SMPX: variants seen among roughly 807,000 people sequenced by gnomAD.
SMPX encodes the protein small muscle protein X-linked, also known as small muscular protein.
Under a neutral mutation model 6.3 loss-of-function variants are expected in SMPX, and 2 were observed. That is an observed-to-expected ratio of 0.32 (90% CI 0.13 to 0.99). The LOEUF (loss-of-function observed/expected upper bound fraction) is 0.99. SMPX is among the 50% of genes least tolerant of loss of function. SMPX has a pLI of 0.49. For synonymous variants in SMPX, 32 were observed against 24.7 expected, an observed-to-expected ratio of 1.30 and a Z score of -0.88; for missense variants, 60 against 66.8, an observed-to-expected ratio of 0.90 and a Z score of 0.36.
At chrX:21,724,575 A>G (rs1225114544) in intron 4 of SMPX, among the ~76,000 whole-genome samples, 1 of 112,311 alleles carries the variant, frequency 8.9e-6, no homozygotes, top group Non-Finnish European at 1.9e-5. Flanking sequence ...CAGAGCCATT[A>G]TCTGTTCAAT....
chrX:21,757,173 T>A (rs1374050367), intron 1 of SMPX, among the ~76,000 whole-genome samples: 2 of 111,966 alleles, frequency 1.8e-5, no homozygotes, highest in East Asian at 5.6e-4. Context: ...GTCGAATAAG[T>A]GGGTAAAGCT....
intron 4 of SMPX, chrX:21,727,707 C>T (rs1361512503): frequency 8.9e-6 from 1 of 111,943 alleles, no homozygotes; most frequent in Admixed American, 9.5e-5. Context: ...GACCCTGCCT[C>T]GGATTAAACC....
chrX:21,735,244 C>G (rs902823226), intron 4 of SMPX, among the ~76,000 whole-genome samples: 2 of 111,979 alleles, frequency 1.8e-5, no homozygotes, highest in South Asian at 7.5e-4. Flanking sequence ...AAAATATCTG[C>G]AGGAGAAAAA....
intron 4 of SMPX, among the ~76,000 whole-genome samples, chrX:21,733,918 G>C (rs1310612746): frequency 9.0e-6 from 1 of 111,190 alleles, no homozygotes. Context: ...GGTGATCTCT[G>C]AGCCTCTGTT....
intron 4 of SMPX, among the ~76,000 whole-genome samples, chrX:21,736,559 A>G (rs1433230596): frequency 8.9e-6 from 1 of 112,268 alleles, no homozygotes; most frequent in Non-Finnish European, 1.9e-5. Flanking sequence ...TTCGCACAGT[A>G]TCTTGCTCAT....
chrX:21,736,446 T>C (rs759935107), intron 4 of SMPX, among the ~76,000 whole-genome samples: 37 of 112,181 alleles, frequency 3.3e-4, no homozygotes, highest in Admixed American at 1.4e-3. Context: ...ATTTTTAGAA[T>C]ACATGATAGA....
At chrX:21,744,688 T>C (rs1602110072) in intron 2 of SMPX, among the ~76,000 whole-genome samples, 1 of 112,322 alleles carries the variant, frequency 8.9e-6, no homozygotes. Flanking sequence ...AAAACAACCA[T>C]CAAATACTAT....
At chrX:21,708,842 A>G (rs1017912967) in intron 4 of SMPX, among the ~76,000 whole-genome samples, 1 of 112,410 alleles carries the variant, frequency 8.9e-6, no homozygotes, top group African/African-American at 3.2e-5. Flanking sequence ...TTGTACAACT[A>G]CCACTTCACT....
rs745878288 is a variant in SMPX, at chrX:21,731,502, T to C, written c.*14+6047A>G. On this transcript the variant is annotated intron_variant, in intron 4 of 4. Coordinates refer to ENST00000379494, the MANE Select transcript of SMPX (RefSeq NM_014332.3). ...CACATTATGTGTGTATGTGTACACATACACATTATGTGTGTATGTGTACAC... is the reference window on the plus strand; with the variant it reads ...CACATTATGTGTGTATGTGTACACACACACATTATGTGTGTATGTGTACAC... Among the ~76,000 whole-genome samples, 61 of 81,801 alleles carry C rather than the reference T, an allele frequency of 7.5e-4. 2 individuals are homozygous for C. Among genetic ancestry groups the C allele is most frequent in the African/African-American group, 2.4e-3 (51 of 21,170 alleles). The allele number at this position is 81,801 out of a possible 115,157, so 71.0% of individuals were successfully genotyped here.
At chrX:21,755,435 A>G (rs368058752) in intron 1 of SMPX, among the ~76,000 whole-genome samples, 7 of 112,540 alleles carry the variant, frequency 6.2e-5, no homozygotes, top group South Asian at 3.7e-4. Flanking sequence ...TACCTGCTTC[A>G]CAGGTTGTGG....
intron 4 of SMPX, among the ~76,000 whole-genome samples, chrX:21,709,612 T>C (rs1018731191): frequency 9.0e-6 from 1 of 111,704 alleles, no homozygotes; most frequent in Non-Finnish European, 1.9e-5. Context: ...TCAATGTGAG[T>C]CAGCAGTAAT....
chrX:21,706,433 C>T (rs908773257), intron 4 of SMPX, 39 bp from the exon 5 acceptor site: 5 of 329,980 alleles, frequency 1.5e-5, no homozygotes, highest in African/African-American at 1.1e-4. Flanking sequence ...AGTTTTTTGC[C>T]TCCAGTGTCA....
Position 21,731,455 on chromosome X carries a change from AATGTGTGTATGTGTACACATACACATT to A in SMPX, c.*14+6067_*14+6093del, listed in dbSNP as rs1569306478. ...TGTGTGTATGTGTACACATACACAT[AATGTGTGTATGTGTACACATACACATT>A]ATGTGTGTATGTGTACACATACACA... is the stretch of plus-strand genomic sequence containing the variant. On this transcript the variant is annotated intron_variant, in intron 4 of 4. Coordinates refer to ENST00000379494, the MANE Select transcript of SMPX (RefSeq NM_014332.3). Among the ~76,000 whole-genome samples, 497 of 79,354 alleles carry A rather than the reference AATGTGTGTATGTGTACACATACACATT, an allele frequency of 6.3e-3. 7 individuals are homozygous for A. Among genetic ancestry groups the A allele is most frequent in the Non-Finnish European group, 8.5e-3 (351 of 41,337 alleles). The allele number at this position is 79,354 out of a possible 115,157, so 68.9% of individuals were successfully genotyped here. A position where few individuals can be genotyped will look rare whatever the true frequency, so the allele number is the denominator to read the frequency against.
intron 4 of SMPX, among the ~76,000 whole-genome samples, chrX:21,718,738 G>A (rs1207331425): frequency 8.9e-6 from 1 of 111,913 alleles, no homozygotes; most frequent in African/African-American, 3.3e-5. Flanking sequence ...GCTATAAATG[G>A]AACTGAGGAG....
intron 4 of SMPX, among the ~76,000 whole-genome samples, chrX:21,716,837 G>A (rs1461986479): frequency 9.0e-6 from 1 of 111,656 alleles, no homozygotes; most frequent in Non-Finnish European, 1.9e-5. Flanking sequence ...AGAGATTTGA[G>A]GTAAAACGTC....
intron 4 of SMPX, among the ~76,000 whole-genome samples, chrX:21,719,689 T>C (rs1436253012): frequency 1.8e-5 from 2 of 111,757 alleles, no homozygotes; most frequent in African/African-American, 6.5e-5. Context: ...TGCCTCCCTG[T>C]AGAGGTTCTG....
chrX:21,742,241 G>A (rs962789682), intron 3 of SMPX, among the ~76,000 whole-genome samples: 2 of 111,349 alleles, frequency 1.8e-5, no homozygotes, highest in Non-Finnish European at 3.8e-5. Flanking sequence ...AGGTATAGAA[G>A]AATTCCACCG....
intron 4 of SMPX, among the ~76,000 whole-genome samples, chrX:21,710,001 A>G (rs1316609450): frequency 8.9e-6 from 1 of 111,992 alleles, no homozygotes; most frequent in Non-Finnish European, 1.9e-5. Flanking sequence ...CAGACTTGAT[A>G]TGGACTCTGA....
chrX:21,718,322 A>C (rs2092787563), intron 4 of SMPX, among the ~76,000 whole-genome samples: 1 of 112,296 alleles, frequency 8.9e-6, no homozygotes, highest in South Asian at 3.7e-4. Context: ...CAAACATATG[A>C]GAAGATCATA....
Sources: gnomAD v4.1 joint callset for allele counts (sites outside exome capture counted in the v4.1 genomes callset) on GRCh38, gnomAD v4.1.1 for gene constraint, MANE v1.5 for transcripts, NCBI Gene and HGNC (gene_info 2026-07-23, HGNC 2026-07-21) for gene names.